Variants in KANK1 observed in about 807,000 individuals in gnomAD.
KANK1 encodes the protein KN motif and ankyrin repeat domains 1, also known as KN motif and ankyrin repeat domain-containing protein 1.
KANK1 carries 109 observed loss-of-function variants against 106.2 expected under a neutral mutation model. The observed-to-expected ratio is 1.03, with a 90% confidence interval of 0.88 to 1.20. The LOEUF (loss-of-function observed/expected upper bound fraction) is 1.20. KANK1 is among the 50% of genes most tolerant of loss of function. KANK1 has a pLI of 0.00. For missense variants in KANK1, 2,399 were observed against 1,710.7 expected, an observed-to-expected ratio of 1.40 and a Z score of -7.10; for synonymous variants, 873 against 652.2, an observed-to-expected ratio of 1.34 and a Z score of -5.16.
chr9:642,221 T>C (rs1838628570), intron 1 of KANK1, among the ~76,000 whole-genome samples: 1 of 143,404 alleles, frequency 7.0e-6, no homozygotes, highest in Non-Finnish European at 1.5e-5. Flanking sequence ...TTGTTACCTC[T>C]GTATCATAAA....
In KANK1 at chr9:727,706, GTGTGTGTGTGTA is replaced by G. The variant is rs929093361; in HGVS notation, c.2699-2333_2699-2322del. 4.0e-5 allele frequency among the ~76,000 whole-genome samples: 6 copies of G among 151,702 alleles called. No homozygotes were observed. The East Asian group carries it at 5.8e-4, about 15-fold the overall frequency. Reference sequence around the variant, plus strand: ...TGTGTGTGTGTGTGTGTGTGTGTGTGTGTGTGTGTGTATGTGTGTGTGTGGTAATGTATTTTA... The same window carrying G: ...TGTGTGTGTGTGTGTGTGTGTGTGTGTGTGTGTGTGTGGTAATGTATTTTA... On this transcript the variant is annotated intron_variant, in intron 3 of 11. Coordinates refer to ENST00000382297, the MANE Select transcript of KANK1 (RefSeq NM_015158.5).
At chr9:503,369 C>T (rs2058603058), upstream of KANK1, among the ~76,000 whole-genome samples, 1 of 152,118 alleles carries the variant, frequency 6.6e-6, no homozygotes, top group African/African-American at 2.4e-5. Flanking sequence ...CTGGCAAAGG[C>T]GCTGAGATTC....
chr9:695,125 C>T (rs1250605183), intron 2 of KANK1, among the ~76,000 whole-genome samples: 1 of 152,076 alleles, frequency 6.6e-6, no homozygotes, highest in East Asian at 1.9e-4. Flanking sequence ...AGTTCCTGTT[C>T]TTGTTTTATG....
chr9:611,526 C>T (rs1180275250), intron 1 of KANK1, among the ~76,000 whole-genome samples: 1 of 152,176 alleles, frequency 6.6e-6, no homozygotes, highest in Non-Finnish European at 1.5e-5. Context: ...AAACAAGCCA[C>T]TGAGGAAGTT....
At position 582,249 on chromosome 9, in the gene KANK1, G is replaced by A. The variant is rs561641589; in HGVS notation, c.-84+77495G>A. ...GAGGGGAGTATGGGGGGTGTGTGTG[G>A]CTTTACCTGCCCCAAATTGTCAGGA... On this transcript the variant is annotated intron_variant, in intron 1 of 11. Transcript: ENST00000382297. Among the ~76,000 whole-genome samples, 12 of 152,176 alleles carry A rather than the reference G, an allele frequency of 7.9e-5. No homozygotes were observed. In the South Asian group the frequency reaches 2.5e-3, roughly 32 times the overall value.
chr9:517,786 TG>T (rs2059354290), intron 1 of KANK1, among the ~76,000 whole-genome samples: 1 of 148,790 alleles, frequency 6.7e-6, no homozygotes, highest in Non-Finnish European at 1.5e-5. Context: ...TCACCCAGGT[TG>T]GAGTAAAGTG....
chr9:555,721 C>G (rs889675288), intron 1 of KANK1, among the ~76,000 whole-genome samples: 1 of 152,142 alleles, frequency 6.6e-6, no homozygotes. Flanking sequence ...CAGACTTGTA[C>G]TGGAATATGA....
intron 2 of KANK1, among the ~76,000 whole-genome samples, chr9:703,406 T>C (rs1321063970): frequency 6.6e-6 from 1 of 152,150 alleles, no homozygotes; most frequent in East Asian, 1.9e-4. Context: ...TTCCTCTTAC[T>C]CCTTCCACTG....
chr9:487,243 G>A (rs1429479190), intron 3 of KANK1, among the ~76,000 whole-genome samples: 3 of 152,190 alleles, frequency 2.0e-5, no homozygotes, highest in Admixed American at 6.5e-5. Context: ...AAAGCCATAC[G>A]TGTTCAGTAG....
At chr9:575,400 G>T (rs1217750216) in intron 1 of KANK1, among the ~76,000 whole-genome samples, 1 of 152,100 alleles carries the variant, frequency 6.6e-6, no homozygotes, top group African/African-American at 2.4e-5. Context: ...AGGCACAGTG[G>T]CTCTTGCCTG....
intron 2 of KANK1, among the ~76,000 whole-genome samples, chr9:682,159 A>G (rs1227797003): frequency 2.0e-5 from 3 of 151,986 alleles, no homozygotes; most frequent in African/African-American, 7.3e-5. Flanking sequence ...GGGCGCCTGT[A>G]ATTCCAGCTA....
At chr9:641,895 T>C (rs995139305) in intron 1 of KANK1, among the ~76,000 whole-genome samples, 1 of 152,160 alleles carries the variant, frequency 6.6e-6, no homozygotes, top group Non-Finnish European at 1.5e-5. Context: ...ATTAACATAA[T>C]CGTGTAACCA....
chr9:501,808 A>G (rs1456928476), upstream of KANK1, among the ~76,000 whole-genome samples: 2 of 152,166 alleles, frequency 1.3e-5, no homozygotes, highest in Non-Finnish European at 2.9e-5. Context: ...CTGCTTTGGG[A>G]TCTCCAAATG....
At chr9:603,156 GT>G (rs1362359806) in intron 1 of KANK1, among the ~76,000 whole-genome samples, 1 of 151,766 alleles carries the variant, frequency 6.6e-6, no homozygotes, top group African/African-American at 2.4e-5. Flanking sequence ...TTTCAAGGAT[GT>G]TTTTCCTCTG....
At chr9:497,918 C>T (rs1438784243) in intron 3 of KANK1, among the ~76,000 whole-genome samples, 3 of 152,128 alleles carry the variant, frequency 2.0e-5, no homozygotes, top group African/African-American at 7.2e-5. Flanking sequence ...CTAGGGACCA[C>T]CCCAGTTCCA....
rs533382346 is a variant in KANK1, at chr9:644,582, C to G, written c.-83-32308C>G. On this transcript the variant is annotated intron_variant, in intron 1 of 11. Transcript: ENST00000382297. ...AGAGGTGCTACACGCTTTTAAATAACCAGATCTCACAGTAATTCACTGACT... is the reference window on the plus strand; with the variant it reads ...AGAGGTGCTACACGCTTTTAAATAAGCAGATCTCACAGTAATTCACTGACT... 7.5e-4 allele frequency among the ~76,000 whole-genome samples: 113 copies of G among 150,580 alleles called. 9 individuals carry two copies. The highest frequency in any genetic ancestry group is 2.6e-3 in the African/African-American group (102 of 39,988).
chr9:506,579 A>G (rs1317725468), intron 1 of KANK1, among the ~76,000 whole-genome samples: 4 of 152,178 alleles, frequency 2.6e-5, no homozygotes, highest in Admixed American at 2.0e-4. Flanking sequence ...AGGGAATGTT[A>G]GAAGGAAAAA....
At chr9:546,670 C>G (rs950472996) in intron 1 of KANK1, among the ~76,000 whole-genome samples, 1 of 151,710 alleles carries the variant, frequency 6.6e-6, no homozygotes, top group Non-Finnish European at 1.5e-5. Context: ...CCCACCCCCA[C>G]TCCCCCAAGC....
intron 1 of KANK1, among the ~76,000 whole-genome samples, chr9:588,349 A>G (rs911981024): frequency 6.6e-6 from 1 of 152,206 alleles, no homozygotes; most frequent in African/African-American, 2.4e-5. Flanking sequence ...TAGAAATAAC[A>G]TTGCAGTGAA....
Sources: gnomAD v4.1 joint callset for allele counts (sites outside exome capture counted in the v4.1 genomes callset) on GRCh38, gnomAD v4.1.1 for gene constraint, MANE v1.5 for transcripts, NCBI Gene and HGNC (gene_info 2026-07-23, HGNC 2026-07-21) for gene names.